Variants in RBMS3 observed in about 807,000 individuals in gnomAD.
RBMS3 encodes RNA binding motif single stranded interacting protein 3.
In RBMS3, 27 loss-of-function variants were observed where a neutral mutation model predicts 66.8. That is an observed-to-expected ratio of 0.40 (90% CI 0.30 to 0.56). The LOEUF (loss-of-function observed/expected upper bound fraction) is 0.56. RBMS3 is among the 20% of genes least tolerant of loss of function. The pLI, the probability that RBMS3 is intolerant of heterozygous loss-of-function variation, is 0.40. For missense variants in RBMS3, 513 were observed against 549.5 expected (o/e 0.93, Z 0.66); for synonymous variants, 188 against 183.0 (o/e 1.03, Z -0.22).
At chr3:29,428,920 A>G (rs552780791) in intron 1 of RBMS3, among the ~76,000 whole-genome samples, 1 of 152,158 alleles carries the variant, frequency 6.6e-6, no homozygotes, top group Non-Finnish European at 1.5e-5. Flanking sequence ...GAGCCTTTTA[A>G]CCTTCATTTT....
intron 1 of RBMS3, among the ~76,000 whole-genome samples, chr3:29,375,219 A>G (rs950554842): frequency 6.6e-6 from 1 of 152,236 alleles, no homozygotes; most frequent in African/African-American, 2.4e-5. Context: ...AAGTCAGATT[A>G]AAGACTTAAA....
At chr3:29,776,415 T>A (rs1405350264) in intron 6 of RBMS3, among the ~76,000 whole-genome samples, 2 of 151,972 alleles carry the variant, frequency 1.3e-5, no homozygotes, top group African/African-American at 4.8e-5. Flanking sequence ...TCATTTAACA[T>A]TAGGTATATC....
chr3:29,980,858 G>T lies in RBMS3; in HGVS notation c.1099-7285G>T, dbSNP rs533719839. ...GCCTTATAGTATAGTTTGAAGTCAG[G>T]TATTGTGATGCCTCCAGCTTTGTTC... is the stretch of plus-strand genomic sequence containing the variant. On this transcript the variant is annotated intron_variant, in intron 12 of 14. Coordinates refer to ENST00000383767, the MANE Select transcript of RBMS3 (RefSeq NM_001003793.3). Among the ~76,000 whole-genome samples, 4 of 152,200 alleles carry T rather than the reference G, an allele frequency of 2.6e-5. No individual in the cohort carries two copies. The South Asian group carries it at 8.3e-4, about 32-fold the overall frequency.
intron 4 of RBMS3, among the ~76,000 whole-genome samples, chr3:29,635,315 T>C (rs1461597838): frequency 6.6e-6 from 1 of 151,896 alleles, no homozygotes; most frequent in Non-Finnish European, 1.5e-5. Context: ...CAGACAAACC[T>C]GCTCTTTCTG....
chr3:29,964,361 G>A (rs1280629668), intron 12 of RBMS3, among the ~76,000 whole-genome samples: 2 of 152,136 alleles, frequency 1.3e-5, no homozygotes, highest in Non-Finnish European at 2.9e-5. Flanking sequence ...ATCCAATCAG[G>A]TAAGAAAGTA....
chr3:29,775,719 T>C (rs1226012701), intron 6 of RBMS3, among the ~76,000 whole-genome samples: 4 of 152,028 alleles, frequency 2.6e-5, no homozygotes, highest in Admixed American at 1.3e-4. Context: ...CTTAAGTACG[T>C]ACGACCTTCC....
intron 2 of RBMS3, among the ~76,000 whole-genome samples, chr3:29,445,988 C>G (rs1012743404): frequency 2.6e-5 from 4 of 152,096 alleles, no homozygotes; most frequent in African/African-American, 4.8e-5. Flanking sequence ...TTTGAAAATG[C>G]ATGTACCTAT....
chr3:29,471,715 TTAG>T (rs760548279), intron 2 of RBMS3, among the ~76,000 whole-genome samples: 4,577 of 74,426 alleles, frequency 0.061, 123 homozygotes, highest in Non-Finnish European at 0.075. Context: ...TCATGAGGAC[TTAG>T]TTTTTTTTTT....
intron 4 of RBMS3, among the ~76,000 whole-genome samples, chr3:29,700,685 T>TC (rs1553644565): frequency 0.033 from 4,960 of 151,412 alleles, 258 homozygotes; most frequent in African/African-American, 0.11. Context: ...TTTTTTTTTT[T>TC]CAGGAAAGTG....
chr3:30,006,348 G>A lies in RBMS3; in HGVS notation c.*2486G>A, dbSNP rs561304214. ...TCTCTTATTTGCAACCCCATGCACT[G>A]GAAGCCCAAATCAGAGAATGACTCC... is the stretch of plus-strand genomic sequence containing the variant. On this transcript the variant is annotated 3_prime_UTR_variant, in exon 15 of 15. Transcript: ENST00000383767. The A allele has an allele frequency of 1.3e-5, 2 of 151,896 alleles. No individual in the cohort carries two copies. The highest frequency in any genetic ancestry group is 4.8e-5 in the African/African-American group (2 of 41,496). The allele number at this position is 151,896 out of a possible 1,614,324, so 9.4% of individuals were successfully genotyped here. A position where few individuals can be genotyped will look rare whatever the true frequency, so the allele number is the denominator to read the frequency against.
chr3:29,809,769 T>C (rs573442629), intron 6 of RBMS3, among the ~76,000 whole-genome samples: 1 of 152,164 alleles, frequency 6.6e-6, no homozygotes, highest in African/African-American at 2.4e-5. Flanking sequence ...CAGTACAGAC[T>C]GATATTTCCT....
chr3:29,463,890 T>C (rs1321599484), intron 2 of RBMS3, among the ~76,000 whole-genome samples: 2 of 152,162 alleles, frequency 1.3e-5, no homozygotes, highest in Non-Finnish European at 2.9e-5. Context: ...TCCTGTTGCC[T>C]TTTCTATTCC....
chr3:29,331,487 T>G (rs1371603421), intron 1 of RBMS3, among the ~76,000 whole-genome samples: 1 of 152,294 alleles, frequency 6.6e-6, no homozygotes, highest in African/African-American at 2.4e-5. Flanking sequence ...CCCTTCTCTG[T>G]CTTGTTTCCC....
intron 1 of RBMS3, among the ~76,000 whole-genome samples, chr3:29,305,157 T>G (rs1419139799): frequency 6.6e-6 from 1 of 151,904 alleles, no homozygotes; most frequent in Non-Finnish European, 1.5e-5. Flanking sequence ...AATCTTAACA[T>G]AGATGATTCT....
intron 4 of RBMS3, among the ~76,000 whole-genome samples, chr3:29,618,263 G>T (rs888387900): frequency 8.5e-5 from 13 of 152,172 alleles, no homozygotes; most frequent in African/African-American, 2.9e-4. Flanking sequence ...GGGAGGCGGA[G>T]GCAGGTGGAA....
At chr3:29,940,558 C>T (rs907756914) in intron 11 of RBMS3, among the ~76,000 whole-genome samples, 1 of 151,822 alleles carries the variant, frequency 6.6e-6, no homozygotes, top group African/African-American at 2.4e-5. Flanking sequence ...CCCACTCTTC[C>T]TTTTAAAGTC....
At chr3:29,594,213 C>CT (rs146638215) in intron 4 of RBMS3, among the ~76,000 whole-genome samples, 2,824 of 152,216 alleles carry the variant, frequency 0.019, 36 homozygotes, top group Admixed American at 0.028. Context: ...CATTTCCCCC[C>CT]TTTTTTGTGG....
Position 29,739,857 on chromosome 3 carries a change from C to T in RBMS3, c.537C>T (p.Ser179=). The T allele has an allele frequency of 1.3e-6, 2 of 1,596,096 alleles. No homozygotes were observed. The highest frequency in any genetic ancestry group is 1.7e-6 in the Non-Finnish European group (2 of 1,173,368). The change falls in exon 5 of 15, where the codon AGC becomes AGT. Residue 179 remains serine (S), a synonymous_variant. Coordinates refer to ENST00000383767, the MANE Select transcript of RBMS3 (RefSeq NM_001003793.3). The part of the protein sequence containing the change: ...TRILRDANGV[S]RGVGFARMES... ...TACTAAGAGACGCTAATGGAGTCAG[C>T]AGAGGTGTTGGCTTTGCCAGGTAAA...
intron 10 of RBMS3, among the ~76,000 whole-genome samples, chr3:29,914,942 G>A (rs1405374485): frequency 6.6e-6 from 1 of 151,794 alleles, no homozygotes; most frequent in African/African-American, 2.4e-5. Context: ...CAACAAAATT[G>A]GAAAAGCACA....
Sources: gnomAD v4.1 joint callset for allele counts (sites outside exome capture counted in the v4.1 genomes callset) on GRCh38, gnomAD v4.1.1 for gene constraint, MANE v1.5 for transcripts, NCBI Gene and HGNC (gene_info 2026-07-23, HGNC 2026-07-21) for gene names.